The following SHISA6 variants were observed in gnomAD, a reference collection of about 807,000 sequenced individuals.
The protein encoded by SHISA6 is shisa family member 6.
A neutral mutation model predicts 47.9 loss-of-function variants in SHISA6; 22 were observed. That is an observed-to-expected ratio of 0.46 (90% CI 0.33 to 0.66). The LOEUF is 0.66. SHISA6 is among the 30% of genes least tolerant of loss of function. The pLI is 0.02. For missense variants in SHISA6, 680 were observed against 764.6 expected (o/e 0.89, Z 1.30); for synonymous variants, 388 against 337.8 (o/e 1.15, Z -1.63).
In SHISA6 at chr17:11,308,394, A is replaced by G. The variant is rs146480401; in HGVS notation, c.799+44868A>G. ...CTTCCTCCTAACCTCATATGTGCAC[A>G]GGAATGCAGCAAATTAACCTCCTGG... On this transcript the variant is annotated intron_variant, in intron 2 of 5. Coordinates refer to ENST00000441885, the MANE Select transcript of SHISA6 (RefSeq NM_207386.4). Among the ~76,000 whole-genome samples the G allele has an allele frequency of 4.3e-3, 638 of 146,844 alleles. 4 individuals carry two copies. The highest frequency in any genetic ancestry group is 0.015 in the African/African-American group (605 of 40,750).
At chr17:11,351,402 A>G (rs955089736) in intron 2 of SHISA6, among the ~76,000 whole-genome samples, 1 of 152,178 alleles carries the variant, frequency 6.6e-6, no homozygotes, top group Non-Finnish European at 1.5e-5. Context: ...GAAAACAATT[A>G]TCTACATATT....
Position 11,360,235 on chromosome 17 carries a change from A to G in SHISA6, c.800-19179A>G, listed in dbSNP as rs181428111. 1.3e-3 allele frequency among the ~76,000 whole-genome samples: 191 copies of G among 152,290 alleles called. 1 individual carries two copies. The highest frequency in any genetic ancestry group is 4.6e-3 in the Admixed American group (70 of 15,300). ...ACGGGAACAGAAAACCAAATGCCGC[A>G]TGTTCTCACTCATAAGTGGGAGTTG... On this transcript the variant is annotated intron_variant, in intron 2 of 5. Transcript: ENST00000441885.
chr17:11,436,128 ATCC>A (rs753436157), intron 3 of SHISA6, among the ~76,000 whole-genome samples: 2 of 152,126 alleles, frequency 1.3e-5, no homozygotes, highest in Non-Finnish European at 2.9e-5. Context: ...GGGGGAAAGA[ATCC>A]TCTTGGGTCT....
intron 2 of SHISA6, among the ~76,000 whole-genome samples, chr17:11,359,371 AT>A (rs1291287581): frequency 6.6e-6 from 1 of 152,242 alleles, no homozygotes; most frequent in East Asian, 1.9e-4. Flanking sequence ...CCCAGTCAAA[AT>A]ACTGCAGACA....
At chr17:11,482,224 T>A (rs115735425) in intron 3 of SHISA6, among the ~76,000 whole-genome samples, 28 of 152,278 alleles carry the variant, frequency 1.8e-4, no homozygotes, top group Non-Finnish European at 3.7e-4. Flanking sequence ...CAAAGAAATA[T>A]ATTGGTGATG....
At chr17:11,509,054 A>G (rs1454543416) in intron 3 of SHISA6, among the ~76,000 whole-genome samples, 1 of 133,090 alleles carries the variant, frequency 7.5e-6, no homozygotes, top group African/African-American at 2.8e-5. Context: ...GGAAGGTTTC[A>G]CTGCATAAAG....
intron 3 of SHISA6, among the ~76,000 whole-genome samples, chr17:11,404,107 C>A (rs1456978077): frequency 6.6e-6 from 1 of 152,176 alleles, no homozygotes; most frequent in Non-Finnish European, 1.5e-5. Context: ...TATCAGGCAG[C>A]TTTTAGGGAG....
At position 11,558,648 on chromosome 17, in the gene SHISA6, GGTT is replaced by G; in HGVS notation, c.*345_*347del. ...TCCCCATCCGGGGGACTCAGCTGCA[GGTT>G]CTGTCAGCAGAGAGACCCTTGCTTG... is the stretch of plus-strand genomic sequence containing the variant. On this transcript the variant is annotated 3_prime_UTR_variant, in exon 6 of 6. Transcript: ENST00000441885. 1 of 354,658 alleles carries G rather than the reference GGTT, an allele frequency of 2.8e-6. No individual in the cohort carries two copies. Among genetic ancestry groups the G allele is most frequent in the Non-Finnish European group, 5.3e-6 (1 of 190,184 alleles). 22.0% of individuals were successfully genotyped at this position (354,658 alleles called of 1,614,324 possible).
intron 2 of SHISA6, among the ~76,000 whole-genome samples, chr17:11,277,280 T>TCTCTCACACACACA (rs1386997909): frequency 7.4e-4 from 40 of 53,920 alleles, no homozygotes; most frequent in Admixed American, 1.9e-3. Context: ...TCTCTCTCTC[T>TCTCTCACACACACA]CACACACACA....
At chr17:11,372,624 TG>T (rs1912664356) in intron 2 of SHISA6, among the ~76,000 whole-genome samples, 1 of 152,202 alleles carries the variant, frequency 6.6e-6, no homozygotes, top group Admixed American at 6.5e-5. Context: ...TTTGTTCGTT[TG>T]TTTGTACCTG....
chr17:11,291,081 A>T (rs1280190471), intron 2 of SHISA6, among the ~76,000 whole-genome samples: 1 of 152,072 alleles, frequency 6.6e-6, no homozygotes, highest in East Asian at 1.9e-4. Context: ...GTAGCTATGT[A>T]TTCAGAAACT....
chr17:11,332,270 T>C (rs115853908), intron 2 of SHISA6, among the ~76,000 whole-genome samples: 12 of 151,550 alleles, frequency 7.9e-5, no homozygotes, highest in African/African-American at 2.7e-4. Context: ...AAGACAATAA[T>C]GTGTTTACCT....
At chr17:11,272,187 A>C (rs556833060) in intron 2 of SHISA6, among the ~76,000 whole-genome samples, 12 of 152,048 alleles carry the variant, frequency 7.9e-5, no homozygotes, top group African/African-American at 2.9e-4. Flanking sequence ...TGGACACCAA[A>C]GCTCTGCCTA....
chr17:11,452,327 T>C (rs1915422214), intron 3 of SHISA6, among the ~76,000 whole-genome samples: 1 of 152,224 alleles, frequency 6.6e-6, no homozygotes, highest in South Asian at 2.1e-4. Context: ...TCAGGAAACC[T>C]TTGTCCCCCA....
intron 2 of SHISA6, among the ~76,000 whole-genome samples, chr17:11,368,282 C>T (rs928044281): frequency 7.6e-6 from 1 of 131,960 alleles, no homozygotes; most frequent in Non-Finnish European, 1.6e-5. Flanking sequence ...GGAGCGCTTC[C>T]TTTTGGAGGT....
chr17:11,246,631 C>T (rs546968328), intron 1 of SHISA6, among the ~76,000 whole-genome samples: 1 of 152,272 alleles, frequency 6.6e-6, no homozygotes, highest in South Asian at 2.1e-4. Context: ...GGAAAGCAAT[C>T]CAGTGAGAGG....
chr17:11,425,895 T>C (rs913283739), intron 3 of SHISA6, among the ~76,000 whole-genome samples: 4 of 152,136 alleles, frequency 2.6e-5, no homozygotes, highest in Admixed American at 2.0e-4. Context: ...CCATTGTATC[T>C]CCTTAGCTTT....
At chr17:11,333,503 T>A (rs887016094) in intron 2 of SHISA6, among the ~76,000 whole-genome samples, 16 of 152,126 alleles carry the variant, frequency 1.1e-4, no homozygotes, top group South Asian at 2.1e-4. Context: ...CTTCTTCTTC[T>A]TCTTTTTTAT....
chr17:11,469,609 C>T (rs147390128), intron 3 of SHISA6, among the ~76,000 whole-genome samples: 3 of 152,268 alleles, frequency 2.0e-5, no homozygotes, highest in Non-Finnish European at 2.9e-5. Flanking sequence ...GTGAGGTTCA[C>T]GTGATCTAAA....
Sources: gnomAD v4.1 joint callset for allele counts (sites outside exome capture counted in the v4.1 genomes callset) on GRCh38, gnomAD v4.1.1 for gene constraint, MANE v1.5 for transcripts, NCBI Gene and HGNC (gene_info 2026-07-23, HGNC 2026-07-21) for gene names.